NLRP5: variants seen among roughly 807,000 people sequenced by gnomAD.
NLRP5 encodes the protein NLR family pyrin domain containing 5, also known as NACHT, LRR and PYD domains-containing protein 5.
In NLRP5, 93 loss-of-function variants were observed where a neutral mutation model predicts 113.1. The ratio of observed to expected loss-of-function variants is 0.82; its 90% CI spans 0.70 to 0.98. NLRP5 has a LOEUF of 0.98. Ranked by LOEUF, NLRP5 falls within the 50% of genes least tolerant of loss-of-function variation. NLRP5 has a pLI of 0.00. For missense variants in NLRP5, 1,808 were observed against 1,514.3 expected, an observed-to-expected ratio of 1.19 and a Z score of -3.22; for synonymous variants, 751 against 600.7, an observed-to-expected ratio of 1.25 and a Z score of -3.66.
chr19:56,058,438 A>G lies in NLRP5; in HGVS notation c.3470+28A>G, dbSNP rs1262501962. Reference sequence around the variant, plus strand: ...AAGTCGCCAGCAATTGTCTTCTGAGATACAGACCTGCTTCTGTTCCAGGCT... The same window carrying G: ...AAGTCGCCAGCAATTGTCTTCTGAGGTACAGACCTGCTTCTGTTCCAGGCT... On this transcript the variant is annotated intron_variant, in intron 14 of 14. Coordinates refer to ENST00000390649, the MANE Select transcript of NLRP5 (RefSeq NM_153447.4). 17 of 1,582,052 alleles carry G rather than the reference A, an allele frequency of 1.1e-5. No homozygotes were observed. In the South Asian group the frequency reaches 1.6e-4, roughly 15 times the overall value.
At chr19:56,000,937 C>T (rs1375991908) in intron 1 of NLRP5, among the ~76,000 whole-genome samples, 1 of 151,822 alleles carries the variant, frequency 6.6e-6, no homozygotes, top group East Asian at 2.0e-4. Flanking sequence ...ACCCAGGAAG[C>T]AGAGGTTTGC....
intron 6 of NLRP5, among the ~76,000 whole-genome samples, chr19:56,024,340 TAAA>T (rs771516465): frequency 8.2e-5 from 9 of 110,226 alleles, no homozygotes; most frequent in Admixed American, 4.0e-4. Context: ...CATCTCTGCT[TAAA>T]AAAAAAAAAA....
rs761121530 is a variant in NLRP5, at chr19:55,999,791, G to A, written c.62+4G>A. On this transcript the variant is annotated splice_donor_region_variant and intron_variant, in intron 1 of 14. Coordinates refer to ENST00000390649, the MANE Select transcript of NLRP5 (RefSeq NM_153447.4). ...TGCTCTCAGCATCACCACGTGCGTC[G>A]ACAGCCTCTTAGAGTTACCTATGAG... 71 of 1,611,968 alleles carry A rather than the reference G, an allele frequency of 4.4e-5. No individual in the cohort carries two copies. Among genetic ancestry groups the A allele is most frequent in the East Asian group, 2.5e-4 (11 of 44,862 alleles).
chr19:56,010,032 G>A (rs141679000), intron 3 of NLRP5, among the ~76,000 whole-genome samples: 308 of 152,276 alleles, frequency 2.0e-3, no homozygotes, highest in Admixed American at 4.4e-3. Context: ...GGCTTAGAGC[G>A]TAAAATAAAC....
At chr19:56,012,606 C>A (rs962877139) in intron 3 of NLRP5, among the ~76,000 whole-genome samples, 4 of 148,900 alleles carry the variant, frequency 2.7e-5, no homozygotes, top group Non-Finnish European at 4.4e-5. Flanking sequence ...TCAGCAGAGA[C>A]AACAAGATGG....
chr19:56,042,005 C>G (rs112244518), intron 11 of NLRP5, among the ~76,000 whole-genome samples: 1 of 152,044 alleles, frequency 6.6e-6, no homozygotes, highest in African/African-American at 2.4e-5. Flanking sequence ...CCAACAAACA[C>G]GGCACTAAAT....
At chr19:56,030,326 C>T (rs1006426847) in intron 7 of NLRP5, among the ~76,000 whole-genome samples, 1 of 151,980 alleles carries the variant, frequency 6.6e-6, no homozygotes, top group Non-Finnish European at 1.5e-5. Flanking sequence ...GCCAAGATGG[C>T]ACCACTGTGC....
At chr19:56,051,177 G>A (rs548422113) in intron 12 of NLRP5, among the ~76,000 whole-genome samples, 25 of 151,690 alleles carry the variant, frequency 1.6e-4, no homozygotes, top group East Asian at 1.9e-4. Flanking sequence ...AACTTAATGC[G>A]TTCTCTTTTT....
At chr19:56,029,953 G>A (rs920717943) in intron 7 of NLRP5, among the ~76,000 whole-genome samples, 18 of 151,782 alleles carry the variant, frequency 1.2e-4, no homozygotes, top group Admixed American at 3.3e-4. Context: ...TACTCAGGAC[G>A]TTGAGGCAGG....
chr19:56,008,833 C>G lies in NLRP5; in HGVS notation c.488C>G (p.Pro163Arg). ...GAAGCAACGATGACTGACCAAGGAC[C>G]AAGCAAGGAAAAAGTGCCAGGTTAG... Residue 163 changes from proline (P) to arginine (R), a missense_variant, in exon 3 of 15, where the codon CCA (proline) becomes CGA (arginine). Physicochemically the swap from Pro to Arg is moderately radical, Grantham distance 103 (BLOSUM62 -2). Coordinates refer to ENST00000390649, the MANE Select transcript of NLRP5 (RefSeq NM_153447.4). 1 of 1,612,508 alleles carries G rather than the reference C, an allele frequency of 6.2e-7. No homozygotes were observed. The highest frequency in any genetic ancestry group is 1.3e-5 in the African/African-American group (1 of 74,978).
Position 56,057,639 on chromosome 19 carries a change from C to G in NLRP5, c.3300-601C>G, listed in dbSNP as rs576058270. Among the ~76,000 whole-genome samples, 40 of 152,286 alleles carry G rather than the reference C, an allele frequency of 2.6e-4. 1 individual carries two copies. In the South Asian group the frequency reaches 8.3e-3, roughly 32 times the overall value. ...CTTGCTACAGGCACTCTCAGCCTTTCTTTCATTGTTTTCCACAACTATAAT... is the reference window on the plus strand; with the variant it reads ...CTTGCTACAGGCACTCTCAGCCTTTGTTTCATTGTTTTCCACAACTATAAT... On this transcript the variant is annotated intron_variant, in intron 13 of 14. Coordinates refer to ENST00000390649, the MANE Select transcript of NLRP5 (RefSeq NM_153447.4).
In NLRP5 at chr19:56,041,054, A is replaced by T. The variant is rs1983504381; in HGVS notation, c.2919A>T (p.Arg973=). ...ACGAAGGTGTAAATCTACTGTGTCGATCCATGAGGCTTCCCCACTGTAGTC... is the reference window on the plus strand; with the variant it reads ...ACGAAGGTGTAAATCTACTGTGTCGTTCCATGAGGCTTCCCCACTGTAGTC... The change falls in exon 11 of 15, where the codon CGA becomes CGT. Residue 973 remains arginine (R), a synonymous_variant. Coordinates refer to ENST00000390649, the MANE Select transcript of NLRP5 (RefSeq NM_153447.4). 1 of 1,613,780 alleles carries T rather than the reference A, an allele frequency of 6.2e-7. No individual in the cohort carries two copies. The highest frequency in any genetic ancestry group is 8.5e-7 in the Non-Finnish European group (1 of 1,179,868).
chr19:56,007,562 C>T (rs910355053), intron 2 of NLRP5, among the ~76,000 whole-genome samples: 26 of 150,718 alleles, frequency 1.7e-4, no homozygotes, highest in Admixed American at 8.6e-4. Flanking sequence ...GGCTGGGCCA[C>T]GGAGAATGAG....
At chr19:55,996,681 C>T (rs1470701342), upstream of NLRP5, among the ~76,000 whole-genome samples, 1 of 152,156 alleles carries the variant, frequency 6.6e-6, no homozygotes, top group African/African-American at 2.4e-5. Context: ...TTGTTTATGG[C>T]TGCATAGTAT....
At chr19:56,030,714 C>CTTCTTCTTTTTTTTT (rs1555767859) in intron 7 of NLRP5, among the ~76,000 whole-genome samples, 7 of 71,350 alleles carry the variant, frequency 9.8e-5, no homozygotes, top group Admixed American at 4.1e-4. Context: ...CTTTCTTCTT[C>CTTCTTCTTTTTTTTT]TTTTTTTTTT....
intron 2 of NLRP5, among the ~76,000 whole-genome samples, chr19:56,005,138 C>T (rs1599877032): frequency 1.4e-5 from 2 of 143,584 alleles, no homozygotes; most frequent in South Asian, 4.4e-4. Context: ...TATATACACA[C>T]ACACATATAT....
chr19:56,055,631 C>T (rs781657400), intron 13 of NLRP5, among the ~76,000 whole-genome samples: 34 of 146,350 alleles, frequency 2.3e-4, no homozygotes, highest in East Asian at 4.1e-4. Flanking sequence ...CTGCAAGCTC[C>T]GCCTCCCAGG....
At chr19:56,025,392 C>G (rs1372745491) in intron 6 of NLRP5, among the ~76,000 whole-genome samples, 2 of 151,420 alleles carry the variant, frequency 1.3e-5, no homozygotes, top group South Asian at 4.2e-4. Context: ...TCCGTTCTCT[C>G]TCTCTCTCTC....
intron 12 of NLRP5, 113 bp from the exon 13 acceptor site, chr19:56,053,525 A>G (rs1446682081): frequency 5.5e-6 from 5 of 915,090 alleles, no homozygotes; most frequent in Non-Finnish European, 6.6e-6. Flanking sequence ...TGGACAAAAC[A>G]GTGGCCCGTC....
Sources: allele counts gnomAD v4.1 joint callset (sites outside exome capture counted in the v4.1 genomes callset), GRCh38; gene constraint gnomAD v4.1.1; transcripts MANE v1.5; gene names NCBI Gene and HGNC (gene_info 2026-07-23, HGNC 2026-07-21).